The following SH3RF3 variants were observed in gnomAD, a reference collection of about 807,000 sequenced individuals.
SH3RF3 encodes E3 ubiquitin-protein ligase SH3RF3.
SH3RF3 carries 29 observed loss-of-function variants against 66.3 expected under a neutral mutation model. The observed-to-expected ratio is 0.44, with a 90% CI of 0.33 to 0.60. The LOEUF (loss-of-function observed/expected upper bound fraction) is 0.60. Ranked by LOEUF, SH3RF3 falls within the 20% of genes least tolerant of loss-of-function variation. The pLI, the probability that SH3RF3 is intolerant of heterozygous loss-of-function variation, is 0.04. For missense variants in SH3RF3, 1,194 were observed against 1,190.9 expected (o/e 1.00, Z -0.04); for synonymous variants, 583 against 532.0 (o/e 1.10, Z -1.32).
chr2:109,185,923 C>T (rs182161168), intron 1 of SH3RF3, among the ~76,000 whole-genome samples: 11 of 152,358 alleles, frequency 7.2e-5, no homozygotes, highest in East Asian at 3.9e-4. Flanking sequence ...GCTCCTGGGA[C>T]GGCTGGCCCT....
intron 8 of SH3RF3, among the ~76,000 whole-genome samples, chr2:109,459,494 T>C (rs1336184939): frequency 6.6e-6 from 1 of 152,138 alleles, no homozygotes; most frequent in Non-Finnish European, 1.5e-5. Context: ...TAGTTTTCCA[T>C]TGACCTCAGT....
intron 8 of SH3RF3, among the ~76,000 whole-genome samples, chr2:109,451,480 G>A (rs939315278): frequency 1.3e-5 from 2 of 152,194 alleles, no homozygotes; most frequent in African/African-American, 4.8e-5. Context: ...TCTAGTTTGT[G>A]AAGCAAATGG....
chr2:109,451,703 CA>C (rs1677871757), intron 8 of SH3RF3, among the ~76,000 whole-genome samples: 1 of 152,238 alleles, frequency 6.6e-6, no homozygotes, highest in Admixed American at 6.5e-5. Context: ...GCTATATCAG[CA>C]AAGAACAGTT....
chr2:109,388,559 T>C (rs1675890705), intron 3 of SH3RF3, among the ~76,000 whole-genome samples: 1 of 152,232 alleles, frequency 6.6e-6, no homozygotes. Flanking sequence ...TGAGAAGTGC[T>C]GAGCAGTGTT....
chr2:109,398,594 A>G lies in SH3RF3; in HGVS notation c.950A>G (p.Asn317Ser). ...CCTCTCCCCTTTCTCACTCAGCTCA[A>G]TGACTCCGCCAAGCAGCTCATTGAG... ...GIFPLLYVEL[N>S]DSAKQLIEMD... The change falls in exon 4 of 10, where the codon AAT becomes AGT. Residue 317 changes from asparagine to serine, a missense_variant. Physicochemically the swap from Asn to Ser is conservative, Grantham distance 46 (BLOSUM62 1). Coordinates refer to ENST00000309415, the MANE Select transcript of SH3RF3 (RefSeq NM_001099289.3). 6 of 1,560,416 alleles carry G rather than the reference A, an allele frequency of 3.8e-6. No homozygotes were observed. The highest frequency in any genetic ancestry group is 4.3e-6 in the Non-Finnish European group (5 of 1,154,080).
At chr2:109,444,186 A>C (rs1176152048) in intron 7 of SH3RF3, among the ~76,000 whole-genome samples, 1 of 152,278 alleles carries the variant, frequency 6.6e-6, no homozygotes, top group Admixed American at 6.5e-5. Flanking sequence ...GGGATATTAT[A>C]ACGCATTTTG....
chr2:109,192,201 A>G lies in SH3RF3; in HGVS notation c.573+62088A>G, dbSNP rs1678384894. ...CACTAACTCGTCCACTCCACAGGCT[A>G]CTGAACCTCTTTATGATTCTGTCTG... On this transcript the variant is annotated intron_variant, in intron 1 of 9. Transcript: ENST00000309415. Among the ~76,000 whole-genome samples, 5 of 152,302 alleles carry G rather than the reference A, an allele frequency of 3.3e-5. No individual in the cohort carries two copies. The South Asian group carries it at 1.0e-3, about 32-fold the overall frequency.
chr2:109,201,850 C>T (rs1465110924), intron 1 of SH3RF3, among the ~76,000 whole-genome samples: 1 of 152,232 alleles, frequency 6.6e-6, no homozygotes, highest in Admixed American at 6.5e-5. Context: ...GCCCTCCCTC[C>T]AGGGAGAATT....
chr2:109,286,231 T>C (rs777774943), intron 1 of SH3RF3, among the ~76,000 whole-genome samples: 1 of 152,220 alleles, frequency 6.6e-6, no homozygotes, highest in Non-Finnish European at 1.5e-5. Context: ...CAGCATTCTG[T>C]TTCTCTGAGG....
rs1217954680 is a variant in SH3RF3, at chr2:109,419,507, C to A, written c.1300-32C>A. The stretch of plus-strand genomic sequence containing the variant: ...TTTCCCTTGGATGGAGTCTCTGTCT[C>A]CTCACTCCTGTCCCCTCTTGTCTGT... On this transcript the variant is annotated intron_variant, in intron 4 of 9. Coordinates refer to ENST00000309415, the MANE Select transcript of SH3RF3 (RefSeq NM_001099289.3). 4.5e-6 allele frequency: 7 copies of A among 1,558,986 alleles called. No homozygotes were observed. The African/African-American group carries it at 9.5e-5, about 21-fold the overall frequency.
intron 1 of SH3RF3, among the ~76,000 whole-genome samples, chr2:109,191,165 T>C (rs1435292959): frequency 2.6e-5 from 4 of 152,138 alleles, no homozygotes; most frequent in African/African-American, 9.7e-5. Context: ...CCCAACGTGC[T>C]ATCAACCGGG....
intron 4 of SH3RF3, among the ~76,000 whole-genome samples, chr2:109,416,629 C>T (rs1009727756): frequency 2.6e-5 from 4 of 151,366 alleles, no homozygotes; most frequent in East Asian, 2.0e-4. Flanking sequence ...ATGATCTGCC[C>T]GCCTCAGCCT....
intron 3 of SH3RF3, among the ~76,000 whole-genome samples, chr2:109,391,222 G>A (rs1379978284): frequency 6.6e-6 from 1 of 152,250 alleles, no homozygotes; most frequent in South Asian, 2.1e-4. Context: ...CTGCACCTGC[G>A]TTTTAAACTT....
intron 2 of SH3RF3, among the ~76,000 whole-genome samples, chr2:109,357,431 T>G (rs1055606264): frequency 9.2e-5 from 14 of 152,206 alleles, no homozygotes; most frequent in African/African-American, 3.4e-4. Context: ...TCCACCCACC[T>G]CGGCCTCCCA....
At chr2:109,270,988 T>C (rs1400917015) in intron 1 of SH3RF3, among the ~76,000 whole-genome samples, 1 of 152,226 alleles carries the variant, frequency 6.6e-6, no homozygotes, top group East Asian at 1.9e-4. Flanking sequence ...ATATGTTTAT[T>C]CCATTTTCTG....
intron 1 of SH3RF3, among the ~76,000 whole-genome samples, chr2:109,258,226 G>T (rs935691973): frequency 1.3e-5 from 2 of 152,162 alleles, no homozygotes; most frequent in South Asian, 4.1e-4. Context: ...TTCCAGGAGT[G>T]GGGGACAGCC....
chr2:109,309,602 A>G (rs1681679897), intron 1 of SH3RF3, among the ~76,000 whole-genome samples: 1 of 128,734 alleles, frequency 7.8e-6, no homozygotes, highest in African/African-American at 3.8e-5. Flanking sequence ...GTATTCAGGA[A>G]ACCCATCTCA....
intron 4 of SH3RF3, among the ~76,000 whole-genome samples, chr2:109,419,122 G>C (rs1280066430): frequency 2.6e-5 from 4 of 151,940 alleles, no homozygotes; most frequent in Admixed American, 6.6e-5. Context: ...TTTTCTTTAG[G>C]GATTAATCTC....
At chr2:109,473,735 C>T (rs772573975) in intron 8 of SH3RF3, among the ~76,000 whole-genome samples, 14 of 148,126 alleles carry the variant, frequency 9.5e-5, no homozygotes, top group Non-Finnish European at 2.1e-4. Flanking sequence ...ACCCCACCCA[C>T]TCCTGCCTGC....
Sources: allele counts gnomAD v4.1 joint callset (sites outside exome capture counted in the v4.1 genomes callset), GRCh38; gene constraint gnomAD v4.1.1; transcripts MANE v1.5; gene names NCBI Gene and HGNC (gene_info 2026-07-23, HGNC 2026-07-21).